Variants in ACP6 observed in about 807,000 individuals in gnomAD.
ACP6 encodes the protein lysophosphatidic acid phosphatase type 6.
In ACP6, 48 loss-of-function variants were observed where a neutral mutation model predicts 48.1. The ratio of observed to expected loss-of-function variants is 1.00; its 90% CI spans 0.79 to 1.27. The LOEUF (loss-of-function observed/expected upper bound fraction) is 1.27. Among genes scored for constraint, ACP6 ranks in the 50% most tolerant of loss-of-function variants. ACP6 has a pLI of 0.00. For missense variants in ACP6, 485 were observed against 529.1 expected (o/e 0.92, Z 0.82); for synonymous variants, 172 against 204.2 (o/e 0.84, Z 1.34).
At chr1:147,665,606 A>T (rs1403392576) in intron 1 of ACP6, among the ~76,000 whole-genome samples, 1 of 152,186 alleles carries the variant, frequency 6.6e-6, no homozygotes, top group Non-Finnish European at 1.5e-5. Flanking sequence ...TCTCTGCTTT[A>T]TCACATTGAA....
Position 147,647,381 on chromosome 1 carries a change from C to T in ACP6, c.*42G>A, listed in dbSNP as rs916657486. 2 of 1,609,684 alleles carry T rather than the reference C, an allele frequency of 1.2e-6. No individual in the cohort carries two copies. Among genetic ancestry groups the T allele is most frequent in the Non-Finnish European group, 1.7e-6 (2 of 1,177,790 alleles). ...CAAAGCAGGAGGCATTGTATAAAGG[C>T]ACTTTATTTTAAAATCAACACATCC... is the stretch of plus-strand genomic sequence containing the variant. On this transcript the variant is annotated 3_prime_UTR_variant, in exon 10 of 10. Transcript: ENST00000583509.
chr1:147,659,894 T>C, intron 1 of ACP6, 119 bp from the exon 2 acceptor site: 1 of 1,213,118 alleles, frequency 8.2e-7, no homozygotes, highest in East Asian at 2.5e-5. Context: ...CCTGCAACCT[T>C]CCTATGGGAT....
At chr1:147,640,359 A>G (rs1306491180), downstream of ACP6, among the ~76,000 whole-genome samples, 1 of 152,004 alleles carries the variant, frequency 6.6e-6, no homozygotes, top group Non-Finnish European at 1.5e-5. Context: ...AGCCACCAAG[A>G]TCTTACCACC....
rs781805307 is a variant in ACP6 at position 147,659,713 on chromosome 1, G to T, written c.282C>A (p.Thr94=). 11 of 1,614,034 alleles carry T rather than the reference G, an allele frequency of 6.8e-6. No homozygotes were observed. The Admixed American group carries it at 1.8e-4, about 27-fold the overall frequency. ...PPQTQFDYTV[T]NLAGGPKPYS... ...ATGGTTTCGGACCACCAGCTAGATT[G>T]GTGACTGTGTAATCAAACTGAGTTT... The change falls in exon 2 of 10, where the codon ACC becomes ACA. Residue 94 remains threonine (T), a synonymous_variant. Transcript: ENST00000583509.
chr1:147,632,814 G>C (rs1215547899), intron 5 of ACP6, among the ~76,000 whole-genome samples: 1 of 152,122 alleles, frequency 6.6e-6, no homozygotes, highest in Non-Finnish European at 1.5e-5. Context: ...CTGGAAGCAC[G>C]CACCTATTCT....
chr1:147,636,189 T>C (rs1425377416), intron 5 of ACP6, among the ~76,000 whole-genome samples: 2 of 152,114 alleles, frequency 1.3e-5, no homozygotes, highest in Admixed American at 1.3e-4. Context: ...AAAGAGATAC[T>C]GAGTTATACA....
chr1:147,630,151 A>C (rs1035254992), exon 6 of ACP6: 4 of 152,100 alleles, frequency 2.6e-5, no homozygotes, highest in African/African-American at 9.7e-5. Flanking sequence ...GGTTAAAGAG[A>C]CCCAGCCCTA....
At chr1:147,651,488 T>A (rs2148905176) in intron 7 of ACP6, 1 of 152,260 alleles carries the variant, frequency 6.6e-6, no homozygotes, top group Non-Finnish European at 1.5e-5. Context: ...GCTTAAAATA[T>A]TTACTAAATA....
downstream of ACP6, chr1:147,642,168 C>G (rs587769412): frequency 6.6e-6 from 1 of 152,270 alleles, no homozygotes; most frequent in East Asian, 1.9e-4. Context: ...TTACTCCATG[C>G]TTCCCCCTGG....
intron 1 of ACP6, among the ~76,000 whole-genome samples, chr1:147,663,370 T>C: frequency 6.6e-6 from 1 of 152,192 alleles, no homozygotes; most frequent in Non-Finnish European, 1.5e-5. Context: ...GAATAAGCTT[T>C]AGTGATCTAT....
At chr1:147,651,792 T>G (rs1659937538) in intron 7 of ACP6, 1 of 152,102 alleles carries the variant, frequency 6.6e-6, no homozygotes, top group African/African-American at 2.4e-5. Context: ...CTACCTCCCC[T>G]CCTCTATCAA....
At chr1:147,634,772 G>C (rs1186321358) in intron 5 of ACP6, among the ~76,000 whole-genome samples, 2 of 152,180 alleles carry the variant, frequency 1.3e-5, no homozygotes, top group African/African-American at 4.8e-5. Context: ...AACTGGTCAG[G>C]AGTGGTCCCA....
At chr1:147,658,169 C>A (rs587756302) in intron 4 of ACP6, among the ~76,000 whole-genome samples, 1 of 152,320 alleles carries the variant, frequency 6.6e-6, no homozygotes, top group Admixed American at 6.5e-5. Context: ...GAGGGCAAGA[C>A]CAGATTCCTC....
chr1:147,631,965 C>T (rs1659176004), intron 5 of ACP6, among the ~76,000 whole-genome samples: 2 of 152,138 alleles, frequency 1.3e-5, no homozygotes, highest in Non-Finnish European at 2.9e-5. Flanking sequence ...TTGCTTCATG[C>T]CCTTCCCCCA....
chr1:147,667,378 G>A (rs587764670), intron 1 of ACP6, among the ~76,000 whole-genome samples: 4 of 151,302 alleles, frequency 2.6e-5, no homozygotes, highest in South Asian at 2.1e-4. Flanking sequence ...CCACCACACC[G>A]GGCTAATTTT....
chr1:147,636,549 G>A (rs1659308552), intron 5 of ACP6, among the ~76,000 whole-genome samples: 1 of 152,208 alleles, frequency 6.6e-6, no homozygotes, highest in South Asian at 2.1e-4. Flanking sequence ...AAAACATGCT[G>A]ATCCTCAGGT....
At chr1:147,650,058 C>A in intron 8 of ACP6, 85 bp downstream of exon 8, 2 of 1,155,402 alleles carry the variant, frequency 1.7e-6, no homozygotes, top group Non-Finnish European at 2.5e-6. Flanking sequence ...CTGGTTCTTG[C>A]CTCACTAAGA....
At chr1:147,668,159 G>A (rs587756198) in intron 1 of ACP6, among the ~76,000 whole-genome samples, 6 of 152,264 alleles carry the variant, frequency 3.9e-5, no homozygotes, top group South Asian at 2.1e-4. Flanking sequence ...CTAGAGAGCC[G>A]AAGACGTTTA....
Position 147,664,296 on chromosome 1 carries a change from GC to G in ACP6, c.220-4522del, listed in dbSNP as rs1191046354. On this transcript the variant is annotated intron_variant, in intron 1 of 9. Transcript: ENST00000583509. ...ATGTGGCCCCACCTCCTCTCTAGCA[GC>G]CCCCTTACCACTTCTTCCCTATTCT... Among the ~76,000 whole-genome samples the G allele has an allele frequency of 3.3e-5, 5 of 152,170 alleles. No individual in the cohort carries two copies. In the South Asian group the frequency reaches 1.0e-3, roughly 32 times the overall value.
Sources: allele counts gnomAD v4.1 joint callset (sites outside exome capture counted in the v4.1 genomes callset), GRCh38; gene constraint gnomAD v4.1.1; transcripts MANE v1.5; gene names NCBI Gene and HGNC (gene_info 2026-07-23, HGNC 2026-07-21).